The following MSI2 variants were observed in gnomAD, a reference collection of about 807,000 sequenced individuals.
MSI2 encodes musashi RNA binding protein 2.
Under a neutral mutation model 45.6 loss-of-function variants are expected in MSI2, and 17 were observed. That is an observed-to-expected ratio of 0.37 (90% confidence interval 0.26 to 0.56). The LOEUF is 0.56. Among genes scored for constraint, MSI2 ranks in the 20% least tolerant of loss-of-function variants. MSI2 has a pLI of 0.77. For synonymous variants in MSI2, 156 were observed against 158.2 expected, an observed-to-expected ratio of 0.99 and a Z score of 0.11; for missense variants, 293 against 444.2, an observed-to-expected ratio of 0.66 and a Z score of 3.06.
intron 5 of MSI2, among the ~76,000 whole-genome samples, chr17:57,316,914 A>G (rs1912895219): frequency 6.6e-6 from 1 of 151,020 alleles, no homozygotes; most frequent in African/African-American, 2.5e-5. Context: ...CATGCTGATG[A>G]TCTTCTCAAA....
chr17:57,599,208 T>A (rs532167851), intron 8 of MSI2, among the ~76,000 whole-genome samples: 1 of 152,176 alleles, frequency 6.6e-6, no homozygotes, highest in Non-Finnish European at 1.5e-5. Flanking sequence ...TGAATGCATA[T>A]GTGTAGCCCT....
chr17:57,697,700 T>C, the MSI2 span, among the ~76,000 whole-genome samples: 1 of 152,200 alleles, frequency 6.6e-6, no homozygotes, highest in Non-Finnish European at 1.5e-5. Context: ...TCTTACATGG[T>C]GGCTGACAAG....
chr17:57,525,924 G>T (rs905144811), intron 6 of MSI2, among the ~76,000 whole-genome samples: 1 of 152,148 alleles, frequency 6.6e-6, no homozygotes, highest in African/African-American at 2.4e-5. Flanking sequence ...TTCATAAGGG[G>T]TTAGAGAAAC....
intron 5 of MSI2, among the ~76,000 whole-genome samples, chr17:57,343,071 C>T (rs1002314629): frequency 6.6e-6 from 1 of 152,170 alleles, no homozygotes; most frequent in Non-Finnish European, 1.5e-5. Context: ...AAAAGAGACA[C>T]GGGTCATGAT....
chr17:57,548,298 C>T (rs948635816), intron 7 of MSI2, among the ~76,000 whole-genome samples: 2 of 151,980 alleles, frequency 1.3e-5, no homozygotes, highest in African/African-American at 4.8e-5. Flanking sequence ...GTGGGCCTCC[C>T]TGGGGTGGGT....
At chr17:57,401,037 G>A (rs889093545) in intron 5 of MSI2, among the ~76,000 whole-genome samples, 1 of 152,162 alleles carries the variant, frequency 6.6e-6, no homozygotes, top group African/African-American at 2.4e-5. Context: ...ATGCATTTGG[G>A]TCTGTTTTGT....
intron 6 of MSI2, among the ~76,000 whole-genome samples, chr17:57,453,532 A>G (rs2085057589): frequency 6.6e-6 from 1 of 152,224 alleles, no homozygotes; most frequent in Non-Finnish European, 1.5e-5. Flanking sequence ...GTCTCATTTC[A>G]GCCTAGTAGA....
intron 6 of MSI2, among the ~76,000 whole-genome samples, chr17:57,462,739 C>G (rs2085254589): frequency 6.6e-6 from 1 of 152,172 alleles, no homozygotes; most frequent in Non-Finnish European, 1.5e-5. Context: ...TGAAATTCAT[C>G]AAGAGGGGAA....
At chr17:57,534,084 C>T (rs553049591) in intron 7 of MSI2, among the ~76,000 whole-genome samples, 2 of 152,352 alleles carry the variant, frequency 1.3e-5, no homozygotes, top group African/African-American at 4.8e-5. Context: ...AGTGCTGGCA[C>T]CTACCATTGA....
chr17:57,531,842 A>G (rs997089514), intron 7 of MSI2: 13 of 152,140 alleles, frequency 8.5e-5, no homozygotes, highest in African/African-American at 3.1e-4. Flanking sequence ...GTGCCGGGAA[A>G]AGTCCTCTCT....
intron 6 of MSI2, among the ~76,000 whole-genome samples, chr17:57,410,640 A>G (rs1005155368): frequency 9.2e-5 from 14 of 151,772 alleles, no homozygotes; most frequent in Middle Eastern, 3.2e-3. Context: ...GTTTACAGGA[A>G]GTCGTTTTTA....
downstream of MSI2, among the ~76,000 whole-genome samples, chr17:57,686,614 T>G (rs1913889604): frequency 6.6e-6 from 1 of 151,802 alleles, no homozygotes; most frequent in African/African-American, 2.4e-5. Flanking sequence ...AACTGAAATG[T>G]CAGTATCAGA....
intron 6 of MSI2, among the ~76,000 whole-genome samples, chr17:57,436,529 G>A (rs974405331): frequency 6.6e-6 from 1 of 152,180 alleles, no homozygotes; most frequent in African/African-American, 2.4e-5. Context: ...GAGATCCAGC[G>A]TGGGCCTTGC....
chr17:57,625,675 C>T (rs1030430423), intron 9 of MSI2: 1 of 152,232 alleles, frequency 6.6e-6, no homozygotes, highest in Non-Finnish European at 1.5e-5. Flanking sequence ...TAAGTCCACT[C>T]ATCAAAGTAA....
At position 57,280,173 on chromosome 17, in the gene MSI2, G is replaced by A. The variant is rs544786943; in HGVS notation, c.312+17981G>A. 2.0e-5 allele frequency among the ~76,000 whole-genome samples: 3 copies of A among 152,084 alleles called. No homozygotes were observed. In the East Asian group the frequency reaches 5.8e-4, roughly 29 times the overall value. On this transcript the variant is annotated intron_variant, in intron 5 of 13. Coordinates refer to ENST00000284073, the MANE Select transcript of MSI2 (RefSeq NM_138962.4). The surrounding 1 kb of genome is among the most constrained non-coding windows in gnomAD (Gnocchi z 4.2). ...AATGCAGAGAGTGAGGAGGACAGGG[G>A]GACAGGCGAGGTCACACTTGCGTTG...
At chr17:57,354,516 G>T (rs1007150536) in intron 5 of MSI2, among the ~76,000 whole-genome samples, 4 of 152,214 alleles carry the variant, frequency 2.6e-5, no homozygotes, top group Non-Finnish European at 4.4e-5. Context: ...TGGGGGAGGG[G>T]TGTTTAAAGG....
At chr17:57,366,240 T>C (rs1292253691) in intron 5 of MSI2, among the ~76,000 whole-genome samples, 1 of 152,140 alleles carries the variant, frequency 6.6e-6, no homozygotes, top group African/African-American at 2.4e-5. Flanking sequence ...AACTTTTCAG[T>C]TGGGGAAGTT....
intron 7 of MSI2, among the ~76,000 whole-genome samples, chr17:57,548,192 CCTT>C (rs1375566949): frequency 6.6e-6 from 1 of 152,140 alleles, no homozygotes; most frequent in Non-Finnish European, 1.5e-5. Context: ...CTGACCACTC[CCTT>C]CTTCTTAACA....
chr17:57,578,475 A>G (rs2088110728), intron 7 of MSI2, among the ~76,000 whole-genome samples: 1 of 151,804 alleles, frequency 6.6e-6, no homozygotes. Context: ...AGGTGCCAGG[A>G]CTGGGGGGGT....
Sources: allele counts gnomAD v4.1 joint callset (sites outside exome capture counted in the v4.1 genomes callset), GRCh38; gene constraint gnomAD v4.1.1; non-coding constraint Gnocchi (gnomAD v3.1); transcripts MANE v1.5; gene names NCBI Gene and HGNC (gene_info 2026-07-23, HGNC 2026-07-21).